ADCY7: variants seen among roughly 807,000 people sequenced by gnomAD.
The protein encoded by ADCY7 is adenylate cyclase 7.
A neutral mutation model predicts 120.6 loss-of-function variants in ADCY7; 72 were observed. That is an observed-to-expected ratio of 0.60 (90% CI 0.49 to 0.73). The LOEUF is 0.73. ADCY7 is among the 30% of genes least tolerant of loss of function. ADCY7 has a pLI of 0.00. For missense variants in ADCY7, 1,227 were observed against 1,486.0 expected (o/e 0.83, Z 2.87); for synonymous variants, 661 against 628.0 (o/e 1.05, Z -0.78).
At chr16:50,292,490 C>G in intron 4 of ADCY7, 186 bp from the exon 5 acceptor site, 5 of 666,660 alleles carry the variant, frequency 7.5e-6, no homozygotes, top group South Asian at 1.9e-5. Flanking sequence ...GTCCTAGTGA[C>G]TCACTAGGAG....
At position 50,308,315 on chromosome 16, in the gene ADCY7, C is replaced by G. The variant is rs2036215266; in HGVS notation, c.1851-12C>G. 6.2e-7 allele frequency: 1 copy of G among 1,614,168 alleles called. No homozygotes were observed. On this transcript the variant is annotated splice_polypyrimidine_tract_variant and intron_variant, in intron 15 of 25. Transcript: ENST00000673801. ...GCCCTAGGCAGAACTGAGGTTCTTC[C>G]CTCCTCTCCAGGACGGCGGCACTGG...
At chr16:50,259,725 G>A (rs2033009636) in intron 1 of ADCY7, among the ~76,000 whole-genome samples, 2 of 152,188 alleles carry the variant, frequency 1.3e-5, no homozygotes. Context: ...CGGGTTTAAT[G>A]GGAAAGATGC....
chr16:50,248,120 G>A (rs1297101383), intron 1 of ADCY7, among the ~76,000 whole-genome samples: 2 of 152,212 alleles, frequency 1.3e-5, no homozygotes, highest in Non-Finnish European at 2.9e-5. Flanking sequence ...GGTGGAGCTG[G>A]TTTGGGTCCA....
intron 18 of ADCY7, 77 bp from the exon 19 acceptor site, chr16:50,310,610 T>C: frequency 2.5e-6 from 4 of 1,603,146 alleles, no homozygotes; most frequent in Non-Finnish European, 3.4e-6. Context: ...GGAGTGGGGC[T>C]CTGTGGTATG....
upstream of ADCY7, among the ~76,000 whole-genome samples, chr16:50,261,719 A>G (rs1041919817): frequency 6.6e-6 from 1 of 152,192 alleles, no homozygotes; most frequent in Admixed American, 6.5e-5. Context: ...TAGCTCCGCC[A>G]AAGTCTCTCC....
chr16:50,308,674 G>T lies in ADCY7; in HGVS notation c.1943G>T (p.Cys648Phe), dbSNP rs1259022797. ...LCFATKFSRC[C>F]PARGTLCTIS... ...GACCCTGTTACCCCACAGAGGTGCT[G>T]CCCAGCTCGGGGGACGCTCTGCACT... The change falls in exon 17 of 26, where the codon TGC becomes TTC. Residue 648 changes from cysteine to phenylalanine, a missense_variant. Physicochemically the swap from Cys to Phe is radical, Grantham distance 205. Around this residue, in one of 5 missense-constraint regions of ADCY7, gnomAD observed 267 missense variants for 270.0 expected, o/e 0.99. Coordinates refer to ENST00000673801, the MANE Select transcript of ADCY7 (RefSeq NM_001114.5). 1.9e-6 allele frequency: 3 copies of T among 1,612,250 alleles called. No individual in the cohort carries two copies. Among genetic ancestry groups the T allele is most frequent in the South Asian group, 1.1e-5 (1 of 90,962 alleles).
In ADCY7 at chr16:50,292,859, C is replaced by T. The variant is rs199916708; in HGVS notation, c.687+34C>T. On this transcript the variant is annotated intron_variant, in intron 5 of 25. Transcript: ENST00000673801. ...CGGCCCCCACTCCTCACCCTGTACA[C>T]CCCTGTCCTCTTCCTCTTTCTGTTG... 3,221 of 1,601,896 alleles carry T rather than the reference C, an allele frequency of 2.0e-3. 7 individuals are homozygous for T. The highest frequency in any genetic ancestry group is 2.1e-3 in the Non-Finnish European group (2,521 of 1,174,570).
intron 1 of ADCY7, among the ~76,000 whole-genome samples, chr16:50,255,607 A>C (rs1202555667): frequency 6.6e-6 from 1 of 152,056 alleles, no homozygotes; most frequent in Non-Finnish European, 1.5e-5. Context: ...CCATGCCCCT[A>C]CTTCAGCCTC....
intron 7 of ADCY7, among the ~76,000 whole-genome samples, chr16:50,296,648 G>A (rs1414472370): frequency 2.0e-5 from 3 of 152,008 alleles, no homozygotes; most frequent in Non-Finnish European, 2.9e-5. Flanking sequence ...GAGCCACTGC[G>A]CCTGGCCAGA....
At chr16:50,305,631 G>A (rs778884953) in intron 13 of ADCY7, 45 bp downstream of exon 13, 20 of 1,553,968 alleles carry the variant, frequency 1.3e-5, no homozygotes, top group East Asian at 2.3e-5. Flanking sequence ...TCTCCCCCTC[G>A]GATAGGGGTC....
At chr16:50,270,768 A>G (rs1413110802) in intron 1 of ADCY7, among the ~76,000 whole-genome samples, 1 of 152,180 alleles carries the variant, frequency 6.6e-6, no homozygotes, top group Admixed American at 6.5e-5. Context: ...AATGGGGCTG[A>G]TGGCAGTGCT....
intron 1 of ADCY7, among the ~76,000 whole-genome samples, chr16:50,253,565 C>T (rs1294215189): frequency 2.0e-5 from 3 of 152,118 alleles, no homozygotes; most frequent in African/African-American, 4.8e-5. Flanking sequence ...AAAATGGGTC[C>T]GTTTCTTACC....
rs1326037363 is a variant in ADCY7, at chr16:50,317,430, A to C, written c.*1925A>C. ...GCAAGTCAGGAAGGTTTCTGTTGCTAATATAACATAGAAACACATTAGTGC... is the reference window on the plus strand; with the variant it reads ...GCAAGTCAGGAAGGTTTCTGTTGCTCATATAACATAGAAACACATTAGTGC... On this transcript the variant is annotated 3_prime_UTR_variant, in exon 26 of 26. Coordinates refer to ENST00000673801, the MANE Select transcript of ADCY7 (RefSeq NM_001114.5). 1 of 152,348 alleles carries C rather than the reference A, an allele frequency of 6.6e-6. No individual in the cohort carries two copies. Among genetic ancestry groups the C allele is most frequent in the African/African-American group, 2.4e-5 (1 of 41,446 alleles). The allele number at this position is 152,348 out of a possible 1,614,324, so 9.4% of individuals were successfully genotyped here. A position where few individuals can be genotyped will look rare whatever the true frequency, so the allele number is the denominator to read the frequency against.
At chr16:50,312,610 T>G (rs2036549576) in intron 21 of ADCY7, among the ~76,000 whole-genome samples, 1 of 152,208 alleles carries the variant, frequency 6.6e-6, no homozygotes. Flanking sequence ...GACCTCCCGT[T>G]ACCCTCCACT....
intron 1 of ADCY7, among the ~76,000 whole-genome samples, chr16:50,261,077 C>T (rs1567529637): frequency 6.6e-6 from 1 of 152,184 alleles, no homozygotes; most frequent in Non-Finnish European, 1.5e-5. Context: ...CCCACAGTCC[C>T]AACAAAAGTC....
chr16:50,306,495 GGCC>G (rs1035690506), intron 14 of ADCY7, among the ~76,000 whole-genome samples: 39 of 150,738 alleles, frequency 2.6e-4, no homozygotes, highest in African/African-American at 5.6e-4. Flanking sequence ...GTGTGGCCAG[GGCC>G]GCCGAGCCTG....
At chr16:50,292,605 C>T in intron 4 of ADCY7, 71 bp from the exon 5 acceptor site, 3 of 1,573,122 alleles carry the variant, frequency 1.9e-6, no homozygotes, top group South Asian at 2.4e-5. Flanking sequence ...CACTAGTCCG[C>T]CTAGGGGTCT....
In ADCY7 at chr16:50,314,067, T is replaced by G; in HGVS notation, c.2856+5T>G. On this transcript the variant is annotated splice_donor_5th_base_variant and intron_variant, in intron 23 of 25. Transcript: ENST00000673801. ...GCCTCAGGGCACGAGAACCAGGTAC[T>G]CAAGCCCAAGAGGTGAAATTCAGCT... 2 of 1,613,042 alleles carry G rather than the reference T, an allele frequency of 1.2e-6. No homozygotes were observed. Among genetic ancestry groups the G allele is most frequent in the Non-Finnish European group, 1.7e-6 (2 of 1,179,152 alleles).
Position 50,307,083 on chromosome 16 carries a change from G to C in ADCY7, c.1786G>C (p.Asp596His), listed in dbSNP as rs1333841830. The change falls in exon 15 of 26, where the codon GAC becomes CAC. Residue 596 changes from aspartate (D) to histidine (H), a missense_variant. Asp to His is a moderately conservative substitution (Grantham distance 81). This residue lies in a region of ADCY7 where 332 missense variants were observed against 455.8 expected (regional missense o/e 0.73). Transcript: ENST00000673801. Reference sequence around the variant, plus strand: ...GGCACCCATCCCCCGGGCCCGCCACGACTTTGCCTGCGCCAGCCTGATCTT... The same window carrying C: ...GGCACCCATCCCCCGGGCCCGCCACCACTTTGCCTGCGCCAGCCTGATCTT... ...RLAPIPRARH[D>H]FACASLIFVC... The C allele has an allele frequency of 1.9e-6, 3 of 1,611,114 alleles. No homozygotes were observed. The highest frequency in any genetic ancestry group is 2.7e-5 in the African/African-American group (2 of 74,898).
Sources: allele counts gnomAD v4.1 joint callset (sites outside exome capture counted in the v4.1 genomes callset), GRCh38; gene constraint gnomAD v4.1.1; regional missense constraint gnomAD v4.1.1; transcripts MANE v1.5; gene names NCBI Gene and HGNC (gene_info 2026-07-23, HGNC 2026-07-21).